The following RFX7 variants were observed in gnomAD, a reference collection of about 807,000 sequenced individuals.
The protein encoded by RFX7 is DNA-binding protein RFX7.
A neutral mutation model predicts 111.8 loss-of-function variants in RFX7; 26 were observed. The ratio of observed to expected loss-of-function variants is 0.23; its 90% CI spans 0.17 to 0.32. The LOEUF (loss-of-function observed/expected upper bound fraction) is 0.32. Among genes scored for constraint, RFX7 ranks in the 10% least tolerant of loss-of-function variants. The pLI is 1.00. For synonymous variants in RFX7, 624 were observed against 624.4 expected, an observed-to-expected ratio of 1.00 and a Z score of 0.01; for missense variants, 1,573 against 1,772.9, an observed-to-expected ratio of 0.89 and a Z score of 2.02.
rs184622111 is a variant in RFX7, at chr15:56,188,818, A to G, written c.162-9515T>C. Among the ~76,000 whole-genome samples, 412 of 152,308 alleles carry G rather than the reference A, an allele frequency of 2.7e-3. 1 individual carries two copies. The highest frequency in any genetic ancestry group is 9.5e-3 in the African/African-American group (397 of 41,578). Reference sequence around the variant, plus strand: ...TGACAAAGATTTCTTAGGGTTACAGAAGCAATAAACATTTTTTTTTCTTTT... The same window carrying G: ...TGACAAAGATTTCTTAGGGTTACAGGAGCAATAAACATTTTTTTTTCTTTT... On this transcript the variant is annotated intron_variant, in intron 2 of 9. Coordinates refer to ENST00000559447, the MANE Select transcript of RFX7 (RefSeq NM_022841.7).
At chr15:56,151,321 T>C (rs555214726) in intron 3 of RFX7, among the ~76,000 whole-genome samples, 2 of 152,298 alleles carry the variant, frequency 1.3e-5, no homozygotes, top group Non-Finnish European at 2.9e-5. Context: ...AAGGTCAGGT[T>C]ACCCACAAAG....
At chr15:56,135,948 G>C (rs1429926208) in intron 5 of RFX7, among the ~76,000 whole-genome samples, 1 of 152,116 alleles carries the variant, frequency 6.6e-6, no homozygotes, top group East Asian at 1.9e-4. Context: ...TTATTTTTGA[G>C]GGCTCTGTTG....
intron 2 of RFX7, among the ~76,000 whole-genome samples, chr15:56,218,711 C>CA (rs1301933783): frequency 1.3e-5 from 2 of 151,944 alleles, no homozygotes; most frequent in Non-Finnish European, 2.9e-5. Context: ...CCAAACCAAG[C>CA]AAAAAAACTC....
intron 3 of RFX7, among the ~76,000 whole-genome samples, chr15:56,161,657 T>C (rs1480532930): frequency 6.6e-6 from 1 of 151,982 alleles, no homozygotes; most frequent in African/African-American, 2.4e-5. Flanking sequence ...TAGAACTTAA[T>C]AGTAAAAAAG....
intron 3 of RFX7, among the ~76,000 whole-genome samples, chr15:56,152,572 T>G (rs12439033): frequency 0.068 from 10,282 of 152,188 alleles, 453 homozygotes; most frequent in Admixed American, 0.11. Flanking sequence ...GGGAAATTTA[T>G]AGCACTAAAT....
At chr15:56,205,662 C>T (rs1337443392) in intron 2 of RFX7, among the ~76,000 whole-genome samples, 1 of 152,172 alleles carries the variant, frequency 6.6e-6, no homozygotes, top group African/African-American at 2.4e-5. Context: ...GAAAACTTCC[C>T]AATTCATTTT....
intron 3 of RFX7, among the ~76,000 whole-genome samples, chr15:56,167,073 G>C (rs11629483): frequency 0.33 from 49,557 of 152,082 alleles, 9,206 homozygotes; most frequent in East Asian, 0.41. Flanking sequence ...GGCTGAGGCA[G>C]GAGGATCACT....
intron 2 of RFX7, among the ~76,000 whole-genome samples, chr15:56,224,934 C>T (rs1178267217): frequency 1.3e-5 from 2 of 152,088 alleles, no homozygotes; most frequent in Non-Finnish European, 2.9e-5. Flanking sequence ...AGCTAACCAA[C>T]TGCACTAATA....
intron 5 of RFX7, among the ~76,000 whole-genome samples, chr15:56,121,312 C>T (rs1438649498): frequency 6.6e-6 from 1 of 152,184 alleles, no homozygotes; most frequent in Admixed American, 6.5e-5. Context: ...ATGTCACTCT[C>T]TCCTGGCTTG....
At chr15:56,141,263 G>T (rs1022834001) in intron 5 of RFX7, among the ~76,000 whole-genome samples, 7 of 151,042 alleles carry the variant, frequency 4.6e-5, no homozygotes, top group Non-Finnish European at 1.0e-4. Flanking sequence ...CAGGAGGATC[G>T]CTTGAGCCCT....
At chr15:56,174,463 T>G (rs1169405588) in intron 3 of RFX7, among the ~76,000 whole-genome samples, 4 of 151,982 alleles carry the variant, frequency 2.6e-5, no homozygotes, top group Non-Finnish European at 5.9e-5. Flanking sequence ...AGCATGTGGC[T>G]GGGCACGGTT....
At chr15:56,169,220 T>C (rs1198841259) in intron 3 of RFX7, among the ~76,000 whole-genome samples, 1 of 152,184 alleles carries the variant, frequency 6.6e-6, no homozygotes, top group African/African-American at 2.4e-5. Flanking sequence ...GTAAGCACCT[T>C]CCAGTTTCTT....
At chr15:56,104,959 C>T (rs2041810895) in intron 5 of RFX7, among the ~76,000 whole-genome samples, 1 of 152,120 alleles carries the variant, frequency 6.6e-6, no homozygotes, top group South Asian at 2.1e-4. Flanking sequence ...CTCAGGGGGT[C>T]TTGCAAGGTT....
chr15:56,173,625 A>G (rs779916270), intron 3 of RFX7, among the ~76,000 whole-genome samples: 4 of 152,042 alleles, frequency 2.6e-5, no homozygotes, highest in Non-Finnish European at 5.9e-5. Flanking sequence ...TACTAAAACT[A>G]CAAAAAATTA....
chr15:56,230,497 C>A (rs2043540113), intron 2 of RFX7, among the ~76,000 whole-genome samples: 1 of 152,128 alleles, frequency 6.6e-6, no homozygotes. Flanking sequence ...AAAATTACCA[C>A]ATTATGTTAT....
At chr15:56,143,859 A>G (rs1270609164) in intron 4 of RFX7, among the ~76,000 whole-genome samples, 1 of 152,158 alleles carries the variant, frequency 6.6e-6, no homozygotes, top group African/African-American at 2.4e-5. Context: ...GGTTAAGGAA[A>G]CTCTTTTAAA....
intron 5 of RFX7, among the ~76,000 whole-genome samples, chr15:56,141,645 T>G (rs2042395027): frequency 1.9e-5 from 1 of 52,282 alleles, no homozygotes; most frequent in Non-Finnish European, 3.4e-5. Context: ...GAAGAATCTA[T>G]GCTTACTCTA....
At chr15:56,150,447 A>G (rs1567028397) in intron 3 of RFX7, among the ~76,000 whole-genome samples, 1 of 152,200 alleles carries the variant, frequency 6.6e-6, no homozygotes, top group African/African-American at 2.4e-5. Context: ...GCTGGGTCGC[A>G]GCTTCCAGAG....
chr15:56,110,996 G>A (rs62044096), intron 5 of RFX7, among the ~76,000 whole-genome samples: 8,470 of 25,398 alleles, frequency 0.33, 2,572 homozygotes, highest in Middle Eastern at 0.72. Context: ...CCCCCCGCCC[G>A]GCCAGCCACC....
Sources: gnomAD v4.1 joint callset for allele counts (sites outside exome capture counted in the v4.1 genomes callset) on GRCh38, gnomAD v4.1.1 for gene constraint, MANE v1.5 for transcripts, NCBI Gene and HGNC (gene_info 2026-07-23, HGNC 2026-07-21) for gene names.